The following G3BP2 variants were observed in gnomAD, a reference collection of about 807,000 sequenced individuals.
G3BP2 encodes ras GTPase-activating protein-binding protein 2.
G3BP2 carries 11 observed loss-of-function variants against 56.7 expected under a neutral mutation model. That is an observed-to-expected ratio of 0.19 (90% CI 0.12 to 0.32). The LOEUF (loss-of-function observed/expected upper bound fraction) is 0.32. Ranked by LOEUF, G3BP2 falls within the 10% of genes least tolerant of loss-of-function variation. The pLI, the probability that G3BP2 is intolerant of heterozygous loss-of-function variation, is 1.00. For missense variants in G3BP2, 340 were observed against 610.9 expected, an observed-to-expected ratio of 0.56 and a Z score of 4.67; for synonymous variants, 165 against 191.6, an observed-to-expected ratio of 0.86 and a Z score of 1.15.
At chr4:75,689,840 G>A (rs1005286432) in intron 3 of G3BP2, among the ~76,000 whole-genome samples, 1 of 152,120 alleles carries the variant, frequency 6.6e-6, no homozygotes. Context: ...AGTAAAAGAC[G>A]CCAGACACAA....
intron 6 of G3BP2, among the ~76,000 whole-genome samples, chr4:75,655,482 C>T (rs1418594176): frequency 1.3e-5 from 2 of 152,164 alleles, no homozygotes; most frequent in Non-Finnish European, 2.9e-5. Context: ...TACTTTAGTG[C>T]TAACTATAAA....
chr4:75,656,229 T>C (rs1732102514), intron 5 of G3BP2, among the ~76,000 whole-genome samples: 2 of 151,962 alleles, frequency 1.3e-5, no homozygotes, highest in African/African-American at 2.4e-5. Context: ...TGGCCTCAAG[T>C]GATCCACCCG....
At chr4:75,707,595 G>A (rs1158182477) in intron 3 of G3BP2, among the ~76,000 whole-genome samples, 2 of 124,752 alleles carry the variant, frequency 1.6e-5, no homozygotes, top group Non-Finnish European at 3.3e-5. Context: ...GGGTGACAGA[G>A]CGAGACTCAA....
In G3BP2 at chr4:75,673,384, C is replaced by A; in HGVS notation, c.-201G>T. 1.6e-6 allele frequency: 2 copies of A among 1,232,228 alleles called. No individual in the cohort carries two copies. Among genetic ancestry groups the A allele is most frequent in the Non-Finnish European group, 2.0e-6 (2 of 988,022 alleles). The allele number at this position is 1,232,228 out of a possible 1,614,324, so 76.3% of individuals were successfully genotyped here. On this transcript the variant is annotated 5_prime_UTR_variant, in exon 1 of 12. Transcript: ENST00000359707. Reference sequence around the variant, plus strand: ...ACCACCTCTTCCCGGGCGCCAGGCGCTGCGACGTGCGACAAGGACCACGGA... The same window carrying A: ...ACCACCTCTTCCCGGGCGCCAGGCGATGCGACGTGCGACAAGGACCACGGA...
chr4:75,673,522 C>A (rs964924417), upstream of G3BP2: 2 of 1,232,146 alleles, frequency 1.6e-6, no homozygotes, highest in African/African-American at 3.1e-5. Context: ...GAGCCGGACC[C>A]AACCTTCCCG....
intron 11 of G3BP2, 22 bp from the exon 12 acceptor site, chr4:75,645,724 T>C: frequency 6.2e-7 from 1 of 1,605,816 alleles, no homozygotes; most frequent in South Asian, 1.1e-5. Context: ...AGAAGAAAAA[T>C]ATTTACATGG....
intron 10 of G3BP2, 36 bp from the exon 11 acceptor site, chr4:75,646,492 T>A: frequency 2.7e-6 from 3 of 1,115,918 alleles, no homozygotes; most frequent in South Asian, 1.2e-5. Context: ...GGTTAAATAT[T>A]TTTAACAGAA....
upstream of G3BP2, among the ~76,000 whole-genome samples, chr4:75,675,177 G>A (rs570694143): frequency 2.9e-4 from 44 of 152,228 alleles, no homozygotes; most frequent in South Asian, 8.9e-3. Flanking sequence ...GCAAACTATA[G>A]AATACTCCCA....
At chr4:75,722,006 A>G (rs1720196078) in intron 2 of G3BP2, among the ~76,000 whole-genome samples, 1 of 152,156 alleles carries the variant, frequency 6.6e-6, no homozygotes, top group Non-Finnish European at 1.5e-5. Flanking sequence ...TAACTCAGGT[A>G]GTTCCTGAGC....
Position 75,659,015 on chromosome 4 carries a change from GCT to G in G3BP2, c.96-93_96-92del, listed in dbSNP as rs373611082. ...TGTCATAGACTAGGTTCCGGATCCC[GCT>G]CTGTCACTAATTAGTTGCGTGATCT... On this transcript the variant is annotated intron_variant, in intron 2 of 11. Coordinates refer to ENST00000359707, the MANE Select transcript of G3BP2 (RefSeq NM_203505.3). The G allele has an allele frequency of 1.1e-5, 10 of 934,082 alleles. No individual in the cohort carries two copies. The African/African-American group carries it at 1.1e-4, about 11-fold the overall frequency. The allele number at this position is 934,082 out of a possible 1,614,324, so 57.9% of individuals were successfully genotyped here.
intron 3 of G3BP2, among the ~76,000 whole-genome samples, chr4:75,714,648 T>C (rs1472505518): frequency 1.3e-5 from 2 of 151,906 alleles, no homozygotes; most frequent in African/African-American, 2.4e-5. Context: ...AGAAAAGAAA[T>C]GATAAAGCAA....
At chr4:75,645,814 C>T in intron 11 of G3BP2, 112 bp from the exon 12 acceptor site, 5 of 880,404 alleles carry the variant, frequency 5.7e-6, no homozygotes, top group Non-Finnish European at 8.7e-6. Context: ...TTTTATCAGC[C>T]CCCCACCCCC....
chr4:75,720,971 T>C lies in G3BP2; in HGVS notation c.-117-2A>G, dbSNP rs565901992. On this transcript the variant is annotated splice_acceptor_variant, in intron 2 of 3. Transcript: ENST00000499709. LOFTEE classifies it low-confidence loss of function (5UTR_SPLICE). ...GGGTAACATAGCAAGACTTCATCTC[T>C]ACAAAAAAAAAAAAAAAAAAAAAAT... is the stretch of plus-strand genomic sequence containing the variant. Among the ~76,000 whole-genome samples the C allele has an allele frequency of 9.7e-4, 51 of 52,366 alleles. 2 individuals carry two copies. In the Admixed American group the frequency reaches 0.012, roughly 12 times the overall value. The allele number at this position is 52,366 out of a possible 152,430, so 34.4% of individuals were successfully genotyped here. A position where few individuals can be genotyped will look rare whatever the true frequency, so the allele number is the denominator to read the frequency against.
chr4:75,697,444 G>A (rs2149090357), intron 3 of G3BP2, among the ~76,000 whole-genome samples: 1 of 152,118 alleles, frequency 6.6e-6, no homozygotes, highest in Admixed American at 6.6e-5. Flanking sequence ...TAAGTTTGGT[G>A]ATGGGTATGT....
intron 8 of G3BP2, chr4:75,649,224 A>G (rs1731484363): frequency 1.3e-5 from 2 of 152,528 alleles, no homozygotes; most frequent in African/African-American, 4.8e-5. Context: ...CATAACCTTA[A>G]AATCAGTATT....
Position 75,655,566 on chromosome 4 carries a change from T to C in G3BP2, c.545+202A>G, listed in dbSNP as rs2292523. Among the ~76,000 whole-genome samples, 82 of 152,368 alleles carry C rather than the reference T, an allele frequency of 5.4e-4. No individual in the cohort carries two copies. The East Asian group carries it at 0.014, about 26-fold the overall frequency. On this transcript the variant is annotated intron_variant, in intron 6 of 11. Coordinates refer to ENST00000359707, the MANE Select transcript of G3BP2 (RefSeq NM_203505.3). ...CTCTACATTATCAGTAAGGAACCACTGTTTTGGTGCAAGCCATGTTCAATT... is the reference window on the plus strand; with the variant it reads ...CTCTACATTATCAGTAAGGAACCACCGTTTTGGTGCAAGCCATGTTCAATT...
intron 3 of G3BP2, among the ~76,000 whole-genome samples, chr4:75,714,948 T>C (rs1338805265): frequency 6.6e-6 from 1 of 152,182 alleles, no homozygotes; most frequent in African/African-American, 2.4e-5. Flanking sequence ...TCCTAATTTA[T>C]TCAAGACACT....
chr4:75,673,034 G>C (rs1733622914), intron 1 of G3BP2, 174 bp downstream of exon 1: 1 of 992,424 alleles, frequency 1.0e-6, no homozygotes, highest in Non-Finnish European at 1.2e-6. Context: ...GGAAAGACTG[G>C]TCTTCTCTCA....
intron 3 of G3BP2, among the ~76,000 whole-genome samples, chr4:75,720,785 G>A (rs1426757745): frequency 5.6e-5 from 8 of 142,158 alleles, no homozygotes; most frequent in Non-Finnish European, 1.2e-4. Flanking sequence ...GACAGAGCGA[G>A]GCTCCATCTC....
Sources: gnomAD v4.1 joint callset for allele counts (sites outside exome capture counted in the v4.1 genomes callset) on GRCh38, gnomAD v4.1.1 for gene constraint, MANE v1.5 for transcripts, NCBI Gene and HGNC (gene_info 2026-07-23, HGNC 2026-07-21) for gene names.